Variants in SOX5 observed in about 807,000 individuals in gnomAD.
SOX5 encodes SRY-box transcription factor 5.
A neutral mutation model predicts 92.0 loss-of-function variants in SOX5; 9 were observed. The ratio of observed to expected loss-of-function variants is 0.10; its 90% CI spans 0.06 to 0.17. The LOEUF (loss-of-function observed/expected upper bound fraction) is 0.17. Among genes scored for constraint, SOX5 ranks in the 10% least tolerant of loss-of-function variants. SOX5 has a pLI of 1.00. For missense variants in SOX5, 642 were observed against 944.5 expected (o/e 0.68, Z 4.20); for synonymous variants, 344 against 336.3 (o/e 1.02, Z -0.25).
chr12:24,256,270 T>C (rs1483424588), intron 3 of SOX5, among the ~76,000 whole-genome samples: 2 of 152,238 alleles, frequency 1.3e-5, no homozygotes, highest in African/African-American at 2.4e-5. Context: ...GATGCAAAGA[T>C]TGAAGTGTTA....
chr12:23,623,767 A>G (rs2077442380), intron 8 of SOX5, among the ~76,000 whole-genome samples: 2 of 152,270 alleles, frequency 1.3e-5, no homozygotes, highest in South Asian at 4.1e-4. Flanking sequence ...CCTCACATCC[A>G]TTAGGATAAC....
intron 10 of SOX5, among the ~76,000 whole-genome samples, chr12:23,570,952 T>A (rs867263349): frequency 0.012 from 296 of 24,564 alleles, 35 homozygotes; most frequent in Middle Eastern, 0.025. Flanking sequence ...TATATATATA[T>A]ATATATATAT....
intron 3 of SOX5, among the ~76,000 whole-genome samples, chr12:23,804,918 TATA>T (rs1567906652): frequency 3.0e-3 from 12 of 4,022 alleles, no homozygotes; most frequent in African/African-American, 7.8e-3. Context: ...CATTGTTTTA[TATA>T]TATATATATA....
At chr12:24,095,128 C>CACACACACACACAG (rs1345578614) in intron 4 of SOX5, among the ~76,000 whole-genome samples, 22 of 90,228 alleles carry the variant, frequency 2.4e-4, no homozygotes, top group African/African-American at 7.6e-4. Flanking sequence ...CACACACACA[C>CACACACACACACAG]AGAGAGAGAG....
At chr12:23,929,988 T>G (rs543082008) in intron 1 of SOX5, among the ~76,000 whole-genome samples, 2 of 152,014 alleles carry the variant, frequency 1.3e-5, no homozygotes, top group South Asian at 4.1e-4. Flanking sequence ...CTACAATTTC[T>G]CTACTCATCC....
At chr12:24,131,916 C>A (rs1229342024) in intron 4 of SOX5, among the ~76,000 whole-genome samples, 2 of 151,252 alleles carry the variant, frequency 1.3e-5, no homozygotes, top group Non-Finnish European at 3.0e-5. Context: ...AGATTTCCTG[C>A]ATTTTTTCTT....
intron 4 of SOX5, among the ~76,000 whole-genome samples, chr12:23,981,031 G>A (rs545922653): frequency 6.6e-6 from 1 of 152,218 alleles, no homozygotes; most frequent in Admixed American, 6.5e-5. Flanking sequence ...GAATTCCCCA[G>A]TAATGAGTCT....
intron 2 of SOX5, among the ~76,000 whole-genome samples, chr12:24,314,562 TA>T (rs144155781): frequency 0.27 from 40,718 of 151,358 alleles, 6,181 homozygotes; most frequent in Non-Finnish European, 0.34. Context: ...TGCTTATACA[TA>T]AAAAAAAATT....
At position 24,263,938 on chromosome 12, in the gene SOX5, G is replaced by C. The variant is rs147837082; in HGVS notation, c.-77+13278C>G. 3.9e-3 allele frequency among the ~76,000 whole-genome samples: 601 copies of C among 152,230 alleles called. 5 individuals are homozygous for C. The highest frequency in any genetic ancestry group is 0.014 in the African/African-American group (565 of 41,524). ...AGATCATAATTCCAAGAGTTATTAG[G>C]TTGGAAAACAGCTTCTGGGCAAATG... is the stretch of plus-strand genomic sequence containing the variant. On this transcript the variant is annotated intron_variant, in intron 3 of 4. Coordinates refer to the SOX5 transcript ENST00000446891.
chr12:24,086,861 A>T (rs1944054082), intron 4 of SOX5, among the ~76,000 whole-genome samples: 1 of 152,062 alleles, frequency 6.6e-6, no homozygotes, highest in South Asian at 2.1e-4. Flanking sequence ...ACACAGTCAA[A>T]TATTCAAGGT....
At chr12:24,134,780 T>A (rs189651085) in intron 4 of SOX5, among the ~76,000 whole-genome samples, 114 of 152,252 alleles carry the variant, frequency 7.5e-4, no homozygotes, top group African/African-American at 2.6e-3. Flanking sequence ...TAAAAATAAG[T>A]GTTGACAATT....
intron 2 of SOX5, among the ~76,000 whole-genome samples, chr12:24,363,066 A>T (rs747263234): frequency 2.0e-5 from 3 of 152,042 alleles, no homozygotes; most frequent in Admixed American, 1.3e-4. Context: ...TATTGATATT[A>T]AAACATTTAT....
At chr12:24,330,988 C>A (rs552583545) in intron 2 of SOX5, among the ~76,000 whole-genome samples, 76 of 152,252 alleles carry the variant, frequency 5.0e-4, no homozygotes, top group Non-Finnish European at 8.2e-4. Flanking sequence ...TACAAGGCTG[C>A]GGCTAAATGG....
At chr12:23,842,902 C>T (rs1270338784) in intron 3 of SOX5, among the ~76,000 whole-genome samples, 2 of 152,118 alleles carry the variant, frequency 1.3e-5, no homozygotes, top group Non-Finnish European at 2.9e-5. Context: ...CCGCTTCAAA[C>T]AGTATGGTGT....
intron 4 of SOX5, among the ~76,000 whole-genome samples, chr12:24,094,096 G>A (rs547192365): frequency 3.7e-4 from 57 of 152,066 alleles, no homozygotes; most frequent in African/African-American, 1.2e-3. Context: ...ACAGGCGCCC[G>A]CCACCATGCC....
chr12:23,574,016 A>G (rs554029993), intron 10 of SOX5, among the ~76,000 whole-genome samples: 1 of 151,612 alleles, frequency 6.6e-6, no homozygotes, highest in Non-Finnish European at 1.5e-5. Flanking sequence ...TATAATATTA[A>G]TATCAGTTAT....
intron 1 of SOX5, among the ~76,000 whole-genome samples, chr12:24,453,344 G>C (rs1178957420): frequency 6.6e-6 from 1 of 152,134 alleles, no homozygotes; most frequent in East Asian, 1.9e-4. Context: ...GCATGCTGAA[G>C]TGGTTACACT....
At chr12:23,801,526 C>T (rs1439574218) in intron 3 of SOX5, among the ~76,000 whole-genome samples, 2 of 152,064 alleles carry the variant, frequency 1.3e-5, no homozygotes, top group Admixed American at 6.6e-5. Context: ...TTTCCTTTTA[C>T]GTACATTTTG....
intron 2 of SOX5, among the ~76,000 whole-genome samples, chr12:23,849,159 C>T (rs2096604536): frequency 6.6e-6 from 1 of 152,128 alleles, no homozygotes; most frequent in African/African-American, 2.4e-5. Context: ...TATGAAATAA[C>T]CAGATACATG....
Sources: gnomAD v4.1 joint callset for allele counts (sites outside exome capture counted in the v4.1 genomes callset) on GRCh38, gnomAD v4.1.1 for gene constraint, MANE v1.5 for transcripts, NCBI Gene and HGNC (gene_info 2026-07-23, HGNC 2026-07-21) for gene names.